The following CCDC7 variants were observed in gnomAD, a reference collection of about 807,000 sequenced individuals.
CCDC7 encodes coiled-coil domain-containing protein 7.
A neutral mutation model predicts 196.9 loss-of-function variants in CCDC7; 183 were observed. The ratio of observed to expected loss-of-function variants is 0.93; its 90% CI spans 0.82 to 1.05. The LOEUF is 1.05. Among genes scored for constraint, CCDC7 ranks in the 50% least tolerant of loss-of-function variants. The pLI is 0.00. For synonymous variants in CCDC7, 525 were observed against 484.6 expected (o/e 1.08, Z -1.10); for missense variants, 1,540 against 1,482.2 (o/e 1.04, Z -0.64).
intron 13 of CCDC7, among the ~76,000 whole-genome samples, chr10:32,562,143 AT>A (rs1252357334): frequency 6.6e-6 from 1 of 152,222 alleles, no homozygotes; most frequent in Non-Finnish European, 1.5e-5. Context: ...AGGCTCTGAA[AT>A]TGTGGCAATA....
chr10:32,480,919 G>T (rs1199308609), intron 8 of CCDC7, among the ~76,000 whole-genome samples: 1 of 152,118 alleles, frequency 6.6e-6, no homozygotes, highest in Admixed American at 6.6e-5. Flanking sequence ...CTGTCTGGAT[G>T]ATTTGTCCAT....
chr10:32,523,737 T>G (rs1414937948), intron 11 of CCDC7, among the ~76,000 whole-genome samples: 1 of 151,574 alleles, frequency 6.6e-6, no homozygotes, highest in African/African-American at 2.4e-5. Context: ...TGACCTTTTT[T>G]GTCTCTTCTT....
intron 41 of CCDC7, among the ~76,000 whole-genome samples, chr10:32,862,222 C>T (rs1023395241): frequency 2.0e-5 from 3 of 151,992 alleles, no homozygotes; most frequent in Non-Finnish European, 2.9e-5. Flanking sequence ...TACACCATGG[C>T]ATACTATGCA....
At chr10:32,843,414 A>G (rs926097243) in intron 33 of CCDC7, among the ~76,000 whole-genome samples, 1 of 152,070 alleles carries the variant, frequency 6.6e-6, no homozygotes, top group Non-Finnish European at 1.5e-5. Flanking sequence ...AAACTCAAGT[A>G]GAATCTAAAA....
intron 13 of CCDC7, among the ~76,000 whole-genome samples, chr10:32,547,055 G>A (rs143990508): frequency 4.1e-4 from 62 of 151,778 alleles, no homozygotes; most frequent in Non-Finnish European, 7.7e-4. Context: ...GTCTCACTCT[G>A]TCACCTAGGT....
intron 21 of CCDC7, among the ~76,000 whole-genome samples, chr10:32,678,532 A>G (rs1336710666): frequency 6.6e-6 from 1 of 152,052 alleles, no homozygotes. Context: ...TTGGATCCAT[A>G]CTGTTTCTTG....
chr10:32,830,121 G>GATATATATATACAT (rs373724864), intron 32 of CCDC7, among the ~76,000 whole-genome samples: 7 of 50,668 alleles, frequency 1.4e-4, no homozygotes, highest in African/African-American at 1.8e-4. Context: ...TATATATAAG[G>GATATATATATACAT]ATATATATAT....
chr10:32,724,738 C>T lies in CCDC7; in HGVS notation c.2570-1996C>T, dbSNP rs78010839. ...CCAGAGTCCCCTTAATAATACAGTA[C>T]CTTAGTCGAGCTCTCTACTCCCTCA... On this transcript the variant is annotated intron_variant, in intron 25 of 41. Transcript: ENST00000639629. 4.9e-3 allele frequency among the ~76,000 whole-genome samples: 745 copies of T among 152,136 alleles called. 5 individuals carry two copies. The highest frequency in any genetic ancestry group is 0.017 in the African/African-American group (710 of 41,504).
In CCDC7 at chr10:32,570,635, G is replaced by T. The variant is rs940106233; in HGVS notation, c.1420-1224G>T. ...ATGTGTGGCTTCCTGAGCCACACTA[G>T]GCATAGTTATCTAGCTATCAGAAAA... is the stretch of plus-strand genomic sequence containing the variant. On this transcript the variant is annotated intron_variant, in intron 15 of 41. Coordinates refer to ENST00000639629, the Ensembl canonical transcript of CCDC7. 7.9e-5 allele frequency among the ~76,000 whole-genome samples: 12 copies of T among 152,158 alleles called. 1 individual carries two copies. The highest frequency in any genetic ancestry group is 1.5e-4 in the Non-Finnish European group (10 of 68,026).
At chr10:32,541,856 G>A (rs1029460638) in intron 11 of CCDC7, among the ~76,000 whole-genome samples, 2 of 152,182 alleles carry the variant, frequency 1.3e-5, no homozygotes, top group Non-Finnish European at 2.9e-5. Context: ...CCCCCTAGGG[G>A]CTCTCACCCT....
intron 24 of CCDC7, among the ~76,000 whole-genome samples, chr10:32,706,304 G>A (rs147048635): frequency 6.6e-6 from 1 of 152,032 alleles, no homozygotes; most frequent in African/African-American, 2.4e-5. Flanking sequence ...GGAATCTCTG[G>A]GACACATTTA....
rs182307573 is a variant in CCDC7 at position 32,651,879 on chromosome 10, G to T, written c.2015-12175G>T. On this transcript the variant is annotated intron_variant, in intron 20 of 41. Transcript: ENST00000639629. Reference sequence around the variant, plus strand: ...TAGCCATTAGGCTGATGCCCTTTGGGAAGATTTAGGCGGTTTTTTATTAAG... The same window carrying T: ...TAGCCATTAGGCTGATGCCCTTTGGTAAGATTTAGGCGGTTTTTTATTAAG... Among the ~76,000 whole-genome samples the T allele has an allele frequency of 1.7e-3, 265 of 152,318 alleles. 2 individuals are homozygous for T. The highest frequency in any genetic ancestry group is 4.8e-3 in the African/African-American group (199 of 41,560).
chr10:32,560,447 A>T (rs1384462348), intron 13 of CCDC7, among the ~76,000 whole-genome samples: 7 of 152,234 alleles, frequency 4.6e-5, no homozygotes, highest in African/African-American at 1.2e-4. Context: ...CCACAAAGGG[A>T]AGCCCATCAG....
Position 32,755,545 on chromosome 10 carries a change from G to GTTAGAA in CCDC7, c.2906-23431_2906-23426dup, listed in dbSNP as rs200559650. Among the ~76,000 whole-genome samples, 121 of 152,212 alleles carry GTTAGAA rather than the reference G, an allele frequency of 7.9e-4. No homozygotes were observed. The East Asian group carries it at 0.021, about 26-fold the overall frequency. Reference sequence around the variant, plus strand: ...AGACCTGCAGCTGAGGGTCTTGACTGTTAGAAGGAAAACTAACAAACAGAA... The same window carrying GTTAGAA: ...AGACCTGCAGCTGAGGGTCTTGACTGTTAGAATTAGAAGGAAAACTAACAAACAGAA... On this transcript the variant is annotated intron_variant, in intron 28 of 41. Transcript: ENST00000639629.
intron 13 of CCDC7, among the ~76,000 whole-genome samples, chr10:32,561,848 T>C (rs1381793996): frequency 1.1e-4 from 17 of 151,912 alleles, no homozygotes; most frequent in Non-Finnish European, 2.4e-4. Flanking sequence ...TTCAAAAAAT[T>C]AGTGAATCCA....
At chr10:32,445,195 C>T (rs1485279801), upstream of CCDC7, among the ~76,000 whole-genome samples, 2 of 152,154 alleles carry the variant, frequency 1.3e-5, no homozygotes, top group African/African-American at 2.4e-5. Context: ...GAGCAGAAGA[C>T]AGAACATTTC....
At chr10:32,487,401 G>A (rs1350759098) in intron 8 of CCDC7, among the ~76,000 whole-genome samples, 1 of 152,118 alleles carries the variant, frequency 6.6e-6, no homozygotes, top group African/African-American at 2.4e-5. Context: ...TGTTTTTCAA[G>A]GTTTTTAACT....
At chr10:32,620,039 C>T (rs2063231231) in intron 18 of CCDC7, among the ~76,000 whole-genome samples, 1 of 150,014 alleles carries the variant, frequency 6.7e-6, no homozygotes, top group South Asian at 2.1e-4. Context: ...TTTCCTGCCT[C>T]AGCCTCCTGA....
intron 22 of CCDC7, among the ~76,000 whole-genome samples, chr10:32,686,369 G>A (rs2141148951): frequency 6.6e-6 from 1 of 152,254 alleles, no homozygotes; most frequent in South Asian, 2.1e-4. Context: ...CCAACTCTAG[G>A]AAGTTACAGG....
Sources: gnomAD v4.1 joint callset for allele counts (sites outside exome capture counted in the v4.1 genomes callset) on GRCh38, gnomAD v4.1.1 for gene constraint, MANE v1.5 for transcripts, NCBI Gene and HGNC (gene_info 2026-07-23, HGNC 2026-07-21) for gene names.